The following LRP1B variants were observed in gnomAD, a reference collection of about 807,000 sequenced individuals.
LRP1B encodes the protein LDL receptor related protein 1B.
LRP1B carries 217 observed loss-of-function variants against 556.6 expected under a neutral mutation model. The observed-to-expected ratio is 0.39, with a 90% CI of 0.35 to 0.44. LRP1B has a LOEUF of 0.44. Ranked by LOEUF, LRP1B falls within the 20% of genes least tolerant of loss-of-function variation. The probability of loss-of-function intolerance (pLI) is 1.00; values close to 1 mark genes in which losing one functional copy is unlikely to be tolerated. For synonymous variants in LRP1B, 2,047 were observed against 1,865.8 expected (o/e 1.10, Z -2.50); for missense variants, 5,053 against 5,620.8 (o/e 0.90, Z 3.23).
At chr2:141,943,556 C>T (rs1053532316) in intron 1 of LRP1B, among the ~76,000 whole-genome samples, 7 of 152,112 alleles carry the variant, frequency 4.6e-5, no homozygotes, top group African/African-American at 1.7e-4. Flanking sequence ...CCAAATGATA[C>T]TCTGAGTTTG....
intron 2 of LRP1B, among the ~76,000 whole-genome samples, chr2:141,789,769 T>C (rs1438776491): frequency 6.6e-6 from 1 of 151,958 alleles, no homozygotes; most frequent in African/African-American, 2.4e-5. Flanking sequence ...AGGAAACCTG[T>C]GTCAATTTTG....
intron 10 of LRP1B, among the ~76,000 whole-genome samples, chr2:141,053,506 T>G (rs1481333968): frequency 6.6e-6 from 1 of 151,976 alleles, no homozygotes; most frequent in African/African-American, 2.4e-5. Flanking sequence ...AAAGTTAACA[T>G]TTTCATTTGT....
rs555556536 is a variant in LRP1B at position 140,345,644 on chromosome 2, G to GTA, written c.11892+5151_11892+5152dup. ...GCCCAGAATATGTTTGTGTATGTAT[G>GTA]TATATATGTGTGTGTGTATATATAT... is the stretch of plus-strand genomic sequence containing the variant. On this transcript the variant is annotated intron_variant, in intron 77 of 90. Transcript: ENST00000389484. Among the ~76,000 whole-genome samples, 166 of 146,026 alleles carry GTA rather than the reference G, an allele frequency of 1.1e-3. 1 individual carries two copies. The highest frequency in any genetic ancestry group is 2.1e-4 in the Non-Finnish European group (14 of 66,642).
chr2:142,126,036 G>A (rs1399068267), intron 1 of LRP1B, among the ~76,000 whole-genome samples: 1 of 151,750 alleles, frequency 6.6e-6, no homozygotes, highest in African/African-American at 2.4e-5. Flanking sequence ...ATTCATAATG[G>A]AACTCAGTCT....
chr2:140,848,436 G>C (rs950098600), intron 29 of LRP1B, among the ~76,000 whole-genome samples: 2 of 152,138 alleles, frequency 1.3e-5, no homozygotes, highest in Admixed American at 1.3e-4. Flanking sequence ...GATCAGAAAA[G>C]AGCTAGCTTA....
rs1356015670 is a variant in LRP1B at position 141,096,621 on chromosome 2, GGAGAGGGGGAGAGAGA to G, written c.1014-34364_1014-34349del. Among the ~76,000 whole-genome samples, 316 of 39,920 alleles carry G rather than the reference GGAGAGGGGGAGAGAGA, an allele frequency of 7.9e-3. 32 individuals are homozygous for G. The highest frequency in any genetic ancestry group is 0.028 in the African/African-American group (298 of 10,656). The allele number at this position is 39,920 out of a possible 152,430, so 26.2% of individuals were successfully genotyped here. On this transcript the variant is annotated intron_variant, in intron 7 of 90. Coordinates refer to ENST00000389484, the MANE Select transcript of LRP1B (RefSeq NM_018557.3). ...ACCCTAGCCTGAATGACAAAGACGG[GGAGAGGGGGAGAGAGA>G]GAGAGAGAGAGAGAGAGAGAGAGAG...
chr2:140,345,879 A>ATATATAT (rs1426120597), intron 77 of LRP1B, among the ~76,000 whole-genome samples: 99 of 137,440 alleles, frequency 7.2e-4, no homozygotes, highest in African/African-American at 1.4e-3. Context: ...TATATATATA[A>ATATATAT]AAAAAATAGC....
At chr2:142,095,139 CT>C (rs35384210) in intron 1 of LRP1B, among the ~76,000 whole-genome samples, 143 of 147,220 alleles carry the variant, frequency 9.7e-4, no homozygotes, top group Middle Eastern at 3.5e-3. Flanking sequence ...TATAAAAAAG[CT>C]TTTTTTTTTT....
At chr2:141,204,382 A>T (rs1682177823) in intron 6 of LRP1B, among the ~76,000 whole-genome samples, 1 of 152,138 alleles carries the variant, frequency 6.6e-6, no homozygotes, top group Non-Finnish European at 1.5e-5. Context: ...ACATCTGTGA[A>T]TTGGGGAATG....
intron 2 of LRP1B, among the ~76,000 whole-genome samples, chr2:141,559,637 T>C (rs1265556284): frequency 1.3e-5 from 2 of 151,598 alleles, no homozygotes; most frequent in African/African-American, 2.4e-5. Context: ...AAATTTGTTT[T>C]AAATAGGGAA....
chr2:140,531,241 C>A (rs1031585544), intron 47 of LRP1B, among the ~76,000 whole-genome samples: 1 of 152,042 alleles, frequency 6.6e-6, no homozygotes, highest in Non-Finnish European at 1.5e-5. Flanking sequence ...ATAGCTTTAC[C>A]TTTAACCTGG....
intron 66 of LRP1B, among the ~76,000 whole-genome samples, chr2:140,412,662 C>T (rs1214171240): frequency 6.6e-6 from 1 of 151,970 alleles, no homozygotes; most frequent in Non-Finnish European, 1.5e-5. Context: ...CTCTCAACAA[C>T]TCTATGATAA....
intron 2 of LRP1B, among the ~76,000 whole-genome samples, chr2:141,746,297 G>A (rs1346355141): frequency 6.6e-6 from 1 of 152,098 alleles, no homozygotes; most frequent in Non-Finnish European, 1.5e-5. Context: ...CACAGTGACG[G>A]GGCTTGCTGG....
intron 18 of LRP1B, among the ~76,000 whole-genome samples, chr2:140,974,515 T>A (rs1696532097): frequency 6.6e-6 from 1 of 152,200 alleles, no homozygotes; most frequent in Admixed American, 6.5e-5. Flanking sequence ...CTTTTATTAT[T>A]CTTTCTAAAT....
intron 1 of LRP1B, among the ~76,000 whole-genome samples, chr2:141,953,897 T>A (rs1374662688): frequency 6.6e-6 from 1 of 152,110 alleles, no homozygotes; most frequent in Non-Finnish European, 1.5e-5. Flanking sequence ...GACAGGACAA[T>A]AATGATTTAA....
chr2:140,955,874 C>T (rs1174102132), intron 18 of LRP1B, among the ~76,000 whole-genome samples: 1 of 151,590 alleles, frequency 6.6e-6, no homozygotes, highest in Non-Finnish European at 1.5e-5. Flanking sequence ...CTTATTCCTC[C>T]TCCTTGCCCC....
intron 83 of LRP1B, among the ~76,000 whole-genome samples, chr2:140,299,446 G>T (rs1683729457): frequency 6.6e-6 from 1 of 152,022 alleles, no homozygotes; most frequent in African/African-American, 2.4e-5. Context: ...TAGTTTGGTG[G>T]CAGATAAATG....
chr2:140,434,863 C>T (rs1477266673), intron 66 of LRP1B, among the ~76,000 whole-genome samples: 1 of 152,092 alleles, frequency 6.6e-6, no homozygotes, highest in East Asian at 1.9e-4. Flanking sequence ...CGAAATCTAA[C>T]ACCATTTGGA....
At chr2:141,842,428 T>C (rs772862193) in intron 1 of LRP1B, among the ~76,000 whole-genome samples, 2 of 152,092 alleles carry the variant, frequency 1.3e-5, no homozygotes, top group Non-Finnish European at 2.9e-5. Flanking sequence ...ACTTTTCAAA[T>C]AGGTAAATCT....
Sources: allele counts gnomAD v4.1 joint callset (sites outside exome capture counted in the v4.1 genomes callset), GRCh38; gene constraint gnomAD v4.1.1; transcripts MANE v1.5; gene names NCBI Gene and HGNC (gene_info 2026-07-23, HGNC 2026-07-21).